KDR: variants seen among roughly 807,000 people sequenced by gnomAD.
KDR encodes kinase insert domain receptor, also known as vascular endothelial growth factor receptor 2.
Under a neutral mutation model 160.9 loss-of-function variants are expected in KDR, and 43 were observed. The ratio of observed to expected loss-of-function variants is 0.27; its 90% CI spans 0.21 to 0.34. The LOEUF is 0.34. Among genes scored for constraint, KDR ranks in the 10% least tolerant of loss-of-function variants. The pLI is 1.00. For synonymous variants in KDR, 617 were observed against 600.1 expected (o/e 1.03, Z -0.41); for missense variants, 1,469 against 1,666.4 (o/e 0.88, Z 2.06).
chr4:55,112,465 C>T (rs1560522109), intron 7 of KDR, among the ~76,000 whole-genome samples: 2 of 151,138 alleles, frequency 1.3e-5, no homozygotes, highest in Non-Finnish European at 2.9e-5. Context: ...ATCAGTAGGG[C>T]TTCCAGTCAA....
intron 27 of KDR, among the ~76,000 whole-genome samples, chr4:55,083,954 G>A (rs904849709): frequency 4.6e-5 from 7 of 152,138 alleles, no homozygotes; most frequent in East Asian, 3.9e-4. Flanking sequence ...TACTGGTACC[G>A]TAGTCAATCA....
rs1476209116 is a variant in KDR, at chr4:55,097,024, C to T, written c.2614+638G>A. On this transcript the variant is annotated intron_variant, in intron 18 of 29. Transcript: ENST00000263923. ...TGCACAAAACCTATTGGCAAAGGGTCATTGGCACTGCCTTCATCAATGAAA... is the reference window on the plus strand; with the variant it reads ...TGCACAAAACCTATTGGCAAAGGGTTATTGGCACTGCCTTCATCAATGAAA... 3.3e-5 allele frequency among the ~76,000 whole-genome samples: 5 copies of T among 152,310 alleles called. No individual in the cohort carries two copies. The East Asian group carries it at 9.7e-4, about 29-fold the overall frequency.
intron 27 of KDR, 43 bp from the exon 28 acceptor site, chr4:55,082,678 G>T: frequency 6.9e-7 from 1 of 1,450,012 alleles, no homozygotes; most frequent in Non-Finnish European, 9.7e-7. Context: ...TGGTATATTT[G>T]ACTGCAGATC....
At position 55,094,873 on chromosome 4, in the gene KDR, G is replaced by A. The variant is rs769212771; in HGVS notation, c.2900C>T (p.Thr967Ile). The change falls in exon 21 of 30, where the codon ACC becomes ATC. Residue 967 changes from threonine to isoleucine, a missense_variant. By Grantham distance (89) the Thr-to-Ile change is moderately conservative. Coordinates refer to ENST00000263923, the MANE Select transcript of KDR (RefSeq NM_002253.4). ...AGAGCTGGCTGAGCTCTGGCTACTG[G>A]TGATGCTGTCCAAGCGCCGTTTCAG... ...VDLKRRLDSI[T>I]SSQSSASSGF... The A allele has an allele frequency of 1.2e-6, 2 of 1,613,934 alleles. No individual in the cohort carries two copies. Among genetic ancestry groups the A allele is most frequent in the Non-Finnish European group, 1.7e-6 (2 of 1,179,868 alleles).
Position 55,094,846 on chromosome 4 carries a change from C to A in KDR, c.2927G>T (p.Gly976Val). The A allele has an allele frequency of 6.2e-7, 1 of 1,614,032 alleles. No individual in the cohort carries two copies. The change falls in exon 21 of 30, where the codon GGA becomes GTA. Residue 976 changes from glycine to valine, a missense_variant. Physicochemically the swap from Gly to Val is moderately radical, Grantham distance 109 (BLOSUM62 -3). Around this residue, in one of 7 missense-constraint regions of KDR, gnomAD observed 151 missense variants for 207.2 expected, o/e 0.73. Transcript: ENST00000263923. The part of the protein sequence containing the change: ...ITSSQSSASS[G>V]FVEEKSLSDV... Reference sequence around the variant, plus strand: ...ACTGAGGGACTTCTCCTCCACAAATCCAGAGCTGGCTGAGCTCTGGCTACT... The same window carrying A: ...ACTGAGGGACTTCTCCTCCACAAATACAGAGCTGGCTGAGCTCTGGCTACT...
chr4:55,090,849 C>CTTTTTT (rs61138010), intron 22 of KDR, among the ~76,000 whole-genome samples: 22 of 84,112 alleles, frequency 2.6e-4, no homozygotes, highest in Admixed American at 3.3e-4. Flanking sequence ...TAGAAGAAAA[C>CTTTTTT]TTTTTTTTTT....
chr4:55,097,855 A>G, intron 17 of KDR, 89 bp from the exon 18 acceptor site: 1 of 945,076 alleles, frequency 1.1e-6, no homozygotes, highest in Non-Finnish European at 1.7e-6. Flanking sequence ...AGATAGGGTG[A>G]CCATACATCC....
chr4:55,104,682 T>C lies in KDR; in HGVS notation c.1948A>G (p.Lys650Glu). The C allele has an allele frequency of 6.2e-7, 1 of 1,613,806 alleles. No individual in the cohort carries two copies. Among genetic ancestry groups the C allele is most frequent in the Middle Eastern group, 1.7e-4 (1 of 6,058 alleles). ...TGCCTGACCACGCAATGTCTTTTCT[T>C]GGTCTTCCTGTCTTGAGCAAGGCAG... ...YVCLAQDRKT[K>E]KRHCVVRQLT... Residue 650 changes from lysine (K) to glutamate (E), a missense_variant, in exon 13 of 30, where the codon AAG (lysine) becomes GAG (glutamate). Lys to Glu is a moderately conservative substitution (Grantham distance 56, BLOSUM62 1). Transcript: ENST00000263923.
chr4:55,080,882 G>T (rs2110004361), intron 29 of KDR, among the ~76,000 whole-genome samples: 1 of 152,282 alleles, frequency 6.6e-6, no homozygotes, highest in South Asian at 2.1e-4. Context: ...TTTTTTCCCG[G>T]TAATAGGTGT....
chr4:55,109,005 A>C (rs1339134371), intron 9 of KDR, among the ~76,000 whole-genome samples: 1 of 151,676 alleles, frequency 6.6e-6, no homozygotes, highest in Non-Finnish European at 1.5e-5. Context: ...TCCTCCTCCC[A>C]TCCTACTTAT....
At chr4:55,095,019 A>G in intron 20 of KDR, 64 bp from the exon 21 acceptor site, 1 of 1,489,816 alleles carries the variant, frequency 6.7e-7, no homozygotes. Flanking sequence ...AAAGTTTACA[A>G]CCTTTAAAAT....
intron 1 of KDR, among the ~76,000 whole-genome samples, chr4:55,122,465 A>G (rs1330702340): frequency 6.6e-6 from 1 of 152,204 alleles, no homozygotes; most frequent in Non-Finnish European, 1.5e-5. Flanking sequence ...GAGTATGAAC[A>G]AATAGGACGA....
intron 14 of KDR, 63 bp downstream of exon 14, chr4:55,102,299 C>G: frequency 1.9e-6 from 3 of 1,555,024 alleles, no homozygotes; most frequent in Non-Finnish European, 2.7e-6. Flanking sequence ...AATAATATGG[C>G]TTTTTAGATA....
intron 2 of KDR, among the ~76,000 whole-genome samples, chr4:55,120,266 A>G (rs1331029342): frequency 1.3e-5 from 2 of 152,210 alleles, no homozygotes; most frequent in African/African-American, 2.4e-5. Context: ...GTGGACCCCC[A>G]GCACTCTTCC....
intron 6 of KDR, 98 bp from the exon 7 acceptor site, chr4:55,113,579 A>G (rs1396133753): frequency 1.9e-6 from 2 of 1,076,150 alleles, no homozygotes; most frequent in African/African-American, 3.2e-5. Flanking sequence ...TTTGGTAAAC[A>G]TTATTTAATG....
intron 14 of KDR, 70 bp from the exon 15 acceptor site, chr4:55,102,098 A>G: frequency 6.2e-7 from 1 of 1,600,114 alleles, no homozygotes; most frequent in South Asian, 1.1e-5. Context: ...AGGGAAATTT[A>G]GAAAATATAA....
intron 1 of KDR, among the ~76,000 whole-genome samples, chr4:55,124,028 G>GC (rs922487487): frequency 6.6e-6 from 1 of 152,220 alleles, no homozygotes; most frequent in African/African-American, 2.4e-5. Context: ...CCCAGAAAGG[G>GC]GGAGAGAGAG....
chr4:55,098,848 A>G (rs750039292), intron 15 of KDR, 45 bp from the exon 16 acceptor site: 19 of 1,445,748 alleles, frequency 1.3e-5, no homozygotes, highest in East Asian at 6.8e-5. Context: ...GGAAACTTAT[A>G]CTTTTTGTTT....
rs1015908430 is a variant in KDR, at chr4:55,098,188, G to T, written c.2458C>A (p.Leu820Met). Residue 820 changes from leucine to methionine, a missense_variant, in exon 17 of 30, where the codon CTG becomes ATG. Around this residue, in one of 7 missense-constraint regions of KDR, gnomAD observed 118 missense variants for 110.8 expected, o/e 1.06. Transcript: ENST00000263923. ...TCCCATTTGCTGGCATCATAAGGCA[G>T]TCGTTCACAATGTTCATCCAATGGG... ...ELPLDEHCER[L>M]PYDASKWEFP... 1 of 1,613,980 alleles carries T rather than the reference G, an allele frequency of 6.2e-7. No individual in the cohort carries two copies. Among genetic ancestry groups the T allele is most frequent in the Non-Finnish European group, 8.5e-7 (1 of 1,179,886 alleles).
Sources: allele counts gnomAD v4.1 joint callset (sites outside exome capture counted in the v4.1 genomes callset), GRCh38; gene constraint gnomAD v4.1.1; regional missense constraint gnomAD v4.1.1; transcripts MANE v1.5; gene names NCBI Gene and HGNC (gene_info 2026-07-23, HGNC 2026-07-21).